The following GABRB2 variants were observed in gnomAD, a reference collection of about 807,000 sequenced individuals.
GABRB2 encodes gamma-aminobutyric acid type A receptor subunit beta2.
Under a neutral mutation model 54.7 loss-of-function variants are expected in GABRB2, and 16 were observed. The observed-to-expected ratio is 0.29, with a 90% CI of 0.20 to 0.44. GABRB2 has a LOEUF of 0.44. GABRB2 is among the 20% of genes least tolerant of loss of function. GABRB2 has a pLI of 1.00. For synonymous variants in GABRB2, 244 were observed against 233.8 expected, an observed-to-expected ratio of 1.04 and a Z score of -0.40; for missense variants, 355 against 644.0, an observed-to-expected ratio of 0.55 and a Z score of 4.86.
intron 4 of GABRB2, among the ~76,000 whole-genome samples, chr5:161,436,756 T>C (rs768398992): frequency 7.9e-5 from 12 of 152,214 alleles, no homozygotes; most frequent in Non-Finnish European, 1.8e-4. Context: ...AAAAAGAGTT[T>C]GAATTGCTAG....
At chr5:161,517,314 G>C (rs1441509066) in intron 3 of GABRB2, among the ~76,000 whole-genome samples, 1 of 152,234 alleles carries the variant, frequency 6.6e-6, no homozygotes, top group South Asian at 2.1e-4. Flanking sequence ...CTCAGGGCTA[G>C]GGTTAACTCA....
At chr5:161,294,730 C>T (rs943825837) in intron 9 of GABRB2, among the ~76,000 whole-genome samples, 5 of 152,118 alleles carry the variant, frequency 3.3e-5, no homozygotes, top group African/African-American at 4.8e-5. Context: ...GCAGAGAAAT[C>T]GAAGGCATGG....
chr5:161,366,186 G>A (rs566748956), intron 5 of GABRB2, among the ~76,000 whole-genome samples: 10 of 151,768 alleles, frequency 6.6e-5, no homozygotes, highest in Admixed American at 3.3e-4. Context: ...AAACCACTGC[G>A]AAAGAAAATG....
intron 3 of GABRB2, among the ~76,000 whole-genome samples, chr5:161,500,516 G>A (rs182850773): frequency 2.6e-4 from 39 of 152,068 alleles, no homozygotes; most frequent in Admixed American, 7.2e-4. Context: ...AGATTTTTTG[G>A]CTGGCTTCTT....
At chr5:161,498,972 C>CCACGTCCT (rs1759342024) in intron 3 of GABRB2, among the ~76,000 whole-genome samples, 1 of 152,140 alleles carries the variant, frequency 6.6e-6, no homozygotes, top group Admixed American at 6.6e-5. Flanking sequence ...CTTTCTACCC[C>CCACGTCCT]CACGTCCTCA....
chr5:161,516,847 T>C (rs762326039), intron 3 of GABRB2, among the ~76,000 whole-genome samples: 1 of 152,104 alleles, frequency 6.6e-6, no homozygotes, highest in African/African-American at 2.4e-5. Flanking sequence ...AAGATAAAGA[T>C]GGAAATAAAG....
chr5:161,344,818 G>C (rs1754270961), intron 5 of GABRB2, among the ~76,000 whole-genome samples: 1 of 152,062 alleles, frequency 6.6e-6, no homozygotes, highest in Admixed American at 6.6e-5. Context: ...TGGATAGACT[G>C]GAAAAAGAAA....
intron 5 of GABRB2, among the ~76,000 whole-genome samples, chr5:161,381,378 G>T (rs56222239): frequency 1.3e-5 from 2 of 152,238 alleles, no homozygotes; most frequent in African/African-American, 4.8e-5. Context: ...ATCATTATAA[G>T]AATTTATTTA....
intron 3 of GABRB2, among the ~76,000 whole-genome samples, chr5:161,518,777 G>A (rs1581053443): frequency 6.6e-6 from 1 of 152,100 alleles, no homozygotes; most frequent in East Asian, 1.9e-4. Context: ...TCACCTTAAA[G>A]CATGCTCATT....
At chr5:161,322,269 T>G (rs1196062870) in intron 9 of GABRB2, among the ~76,000 whole-genome samples, 1 of 152,192 alleles carries the variant, frequency 6.6e-6, no homozygotes, top group Non-Finnish European at 1.5e-5. Context: ...AGAGTCTCCC[T>G]CTTTCACCCA....
chr5:161,468,397 C>T (rs1340364900), intron 3 of GABRB2, among the ~76,000 whole-genome samples: 3 of 152,018 alleles, frequency 2.0e-5, no homozygotes, highest in South Asian at 2.1e-4. Flanking sequence ...ACTTCAAGTT[C>T]CTTCAGACTT....
At chr5:161,322,580 C>T (rs1035929306) in intron 9 of GABRB2, among the ~76,000 whole-genome samples, 3 of 152,152 alleles carry the variant, frequency 2.0e-5, no homozygotes, top group African/African-American at 7.2e-5. Context: ...TAGATTCTGA[C>T]ATTAGACTTA....
intron 5 of GABRB2, among the ~76,000 whole-genome samples, chr5:161,369,330 T>A (rs564199695): frequency 3.7e-4 from 57 of 152,298 alleles, no homozygotes; most frequent in African/African-American, 1.3e-3. Flanking sequence ...CTAAAAATAA[T>A]ATTTTAAATG....
At chr5:161,531,016 G>T (rs1424667124) in intron 3 of GABRB2, among the ~76,000 whole-genome samples, 1 of 152,116 alleles carries the variant, frequency 6.6e-6, no homozygotes, top group Non-Finnish European at 1.5e-5. Context: ...TTTGGCAAAA[G>T]AAACACAAAT....
chr5:161,321,369 A>C (rs1758203978), intron 9 of GABRB2, among the ~76,000 whole-genome samples: 1 of 152,080 alleles, frequency 6.6e-6, no homozygotes, highest in South Asian at 2.1e-4. Context: ...CATATTTATT[A>C]TCCAGCTTTT....
intron 4 of GABRB2, among the ~76,000 whole-genome samples, chr5:161,438,105 T>C (rs1436867702): frequency 1.3e-5 from 2 of 152,158 alleles, no homozygotes; most frequent in Admixed American, 6.5e-5. Context: ...CCCAGCATTG[T>C]CCTGGCTTTA....
At chr5:161,354,568 C>T (rs780233664) in intron 5 of GABRB2, among the ~76,000 whole-genome samples, 9 of 151,948 alleles carry the variant, frequency 5.9e-5, no homozygotes, top group South Asian at 2.1e-4. Flanking sequence ...TCATCTCATG[C>T]TGGGGAAACT....
chr5:161,341,000 C>G (rs542144889), intron 5 of GABRB2, among the ~76,000 whole-genome samples: 6 of 151,974 alleles, frequency 3.9e-5, no homozygotes, highest in Non-Finnish European at 7.4e-5. Context: ...ATCCTCTTGA[C>G]TTTATTTTAG....
chr5:161,294,193 A>G lies in GABRB2; in HGVS notation c.1427T>C (p.Ile476Thr). The change falls in exon 10 of 10, where the codon ATC (isoleucine) becomes ACC (threonine). Residue 476 changes from isoleucine (I) to threonine (T), a missense_variant. Ile to Thr is a moderately conservative substitution (Grantham distance 89). Coordinates refer to ENST00000393959, the MANE Select transcript of GABRB2 (RefSeq NM_001371727.1). ...RLRRRASQLK[I>T]TIPDLTDVNA... ...CACATCAGTCAAGTCAGGGATGGTG[A>G]TTTTCAGTTGGGAGGCGCGTCTCCT... The G allele has an allele frequency of 6.2e-7, 1 of 1,614,044 alleles. No individual in the cohort carries two copies. Among genetic ancestry groups the G allele is most frequent in the Non-Finnish European group, 8.5e-7 (1 of 1,179,998 alleles).
Sources: gnomAD v4.1 joint callset for allele counts (sites outside exome capture counted in the v4.1 genomes callset) on GRCh38, gnomAD v4.1.1 for gene constraint, MANE v1.5 for transcripts, NCBI Gene and HGNC (gene_info 2026-07-23, HGNC 2026-07-21) for gene names.